The following FMN1 variants were observed in gnomAD, a reference collection of about 807,000 sequenced individuals.
FMN1 encodes formin 1.
A neutral mutation model predicts 132.4 loss-of-function variants in FMN1; 110 were observed. The ratio of observed to expected loss-of-function variants is 0.83; its 90% CI spans 0.71 to 0.97. The LOEUF (loss-of-function observed/expected upper bound fraction) is 0.97. Ranked by LOEUF, FMN1 falls within the 50% of genes least tolerant of loss-of-function variation. The pLI, the probability that FMN1 is intolerant of heterozygous loss-of-function variation, is 0.00. For synonymous variants in FMN1, 722 were observed against 651.7 expected, an observed-to-expected ratio of 1.11 and a Z score of -1.64; for missense variants, 1,792 against 1,705.3, an observed-to-expected ratio of 1.05 and a Z score of -0.90.
intron 19 of FMN1, among the ~76,000 whole-genome samples, chr15:32,798,180 ACACACACACACACACACAC>A (rs1567182776): frequency 6.7e-6 from 1 of 148,962 alleles, no homozygotes; most frequent in Admixed American, 6.7e-5. Flanking sequence ...AGGAAAACGC[ACACACACACACACACACAC>A]ACACACACAC....
intron 10 of FMN1, among the ~76,000 whole-genome samples, chr15:32,917,041 G>C (rs2060701496): frequency 6.6e-6 from 1 of 152,158 alleles, no homozygotes. Context: ...TCTGAGAGTT[G>C]AGGAAAGGGA....
intron 4 of FMN1, among the ~76,000 whole-genome samples, chr15:33,102,215 TGTAA>T (rs1419231664): frequency 1.3e-5 from 2 of 152,160 alleles, no homozygotes; most frequent in Non-Finnish European, 2.9e-5. Flanking sequence ...CCTGTGTCTT[TGTAA>T]GTATTACTGA....
intron 9 of FMN1, among the ~76,000 whole-genome samples, chr15:32,954,442 A>G (rs2140518978): frequency 6.6e-6 from 1 of 152,330 alleles, no homozygotes; most frequent in African/African-American, 2.4e-5. Context: ...TTCATCTGCA[A>G]AGAAGTCATG....
At chr15:32,954,231 T>G (rs188487926) in intron 9 of FMN1, among the ~76,000 whole-genome samples, 2 of 152,180 alleles carry the variant, frequency 1.3e-5, no homozygotes, top group Non-Finnish European at 2.9e-5. Context: ...TACCTTACAT[T>G]TGGGGGATTA....
chr15:33,081,303 C>A (rs147398887), intron 5 of FMN1, among the ~76,000 whole-genome samples: 3,473 of 152,236 alleles, frequency 0.023, 79 homozygotes, highest in South Asian at 0.12. Flanking sequence ...CAATATTTCA[C>A]CATTATTTTT....
rs113268453 is a variant in FMN1 at position 32,779,784 on chromosome 15, C to T, written c.4131-2865G>A. Among the ~76,000 whole-genome samples the T allele has an allele frequency of 6.4e-3, 971 of 152,276 alleles. 8 individuals are homozygous for T. The highest frequency in any genetic ancestry group is 0.022 in the African/African-American group (926 of 41,552). Reference sequence around the variant, plus strand: ...CTGTGAGATAGGAACTTCTACTATTCCCATTTCATAGGTCTTAACCACCAT... The same window carrying T: ...CTGTGAGATAGGAACTTCTACTATTTCCATTTCATAGGTCTTAACCACCAT... On this transcript the variant is annotated intron_variant, in intron 19 of 20. Transcript: ENST00000616417.
intron 17 of FMN1, among the ~76,000 whole-genome samples, chr15:32,835,621 T>C (rs2058604732): frequency 2.0e-5 from 3 of 152,192 alleles, no homozygotes; most frequent in Admixed American, 6.5e-5. Context: ...ATAGATGTTA[T>C]GGGGTGATTC....
At chr15:33,148,983 A>C (rs1964339981) in intron 4 of FMN1, among the ~76,000 whole-genome samples, 1 of 117,806 alleles carries the variant, frequency 8.5e-6, no homozygotes. Context: ...CCCCACACAC[A>C]AGCACTCTAG....
chr15:33,079,691 G>A (rs770710763), intron 5 of FMN1, among the ~76,000 whole-genome samples: 1 of 152,250 alleles, frequency 6.6e-6, no homozygotes, highest in Non-Finnish European at 1.5e-5. Context: ...TGTGAGAACT[G>A]CTTTAAGAAT....
chr15:32,783,193 G>C (rs771712194), intron 19 of FMN1, among the ~76,000 whole-genome samples: 11 of 151,842 alleles, frequency 7.2e-5, no homozygotes, highest in Non-Finnish European at 1.6e-4. Flanking sequence ...CCTTACAAAA[G>C]AATTTGGAAA....
chr15:32,888,030 G>C (rs541421010), intron 16 of FMN1, 142 bp downstream of exon 16: 3 of 596,632 alleles, frequency 5.0e-6, no homozygotes, highest in Middle Eastern at 4.5e-4. Context: ...TGTAGAGAAG[G>C]AAAGTTTCCT....
chr15:33,002,724 T>A (rs139044805), intron 7 of FMN1, among the ~76,000 whole-genome samples: 13 of 152,258 alleles, frequency 8.5e-5, no homozygotes, highest in African/African-American at 3.1e-4. Flanking sequence ...CAGCTAGAAA[T>A]CCAGGTTTTA....
At chr15:32,881,252 T>C (rs994674160) in intron 16 of FMN1, among the ~76,000 whole-genome samples, 7 of 152,208 alleles carry the variant, frequency 4.6e-5, no homozygotes, top group African/African-American at 1.7e-4. Flanking sequence ...TTCTGCATGT[T>C]TGTATAAATA....
In FMN1 at chr15:33,016,458, A is replaced by G. The variant is rs554877209; in HGVS notation, c.2162-8383T>C. 2.0e-5 allele frequency among the ~76,000 whole-genome samples: 3 copies of G among 152,332 alleles called. No homozygotes were observed. In the East Asian group the frequency reaches 5.8e-4, roughly 29 times the overall value. On this transcript the variant is annotated intron_variant, in intron 6 of 20. Transcript: ENST00000616417. Reference sequence around the variant, plus strand: ...TCCTCTGTTTCCCTTCCAGATGCTTATAAACAATGCAGTCCTTAGTAACTG... The same window carrying G: ...TCCTCTGTTTCCCTTCCAGATGCTTGTAAACAATGCAGTCCTTAGTAACTG...
At chr15:32,852,940 T>A (rs1287639006) in intron 17 of FMN1, among the ~76,000 whole-genome samples, 3 of 152,196 alleles carry the variant, frequency 2.0e-5, no homozygotes, top group African/African-American at 7.2e-5. Flanking sequence ...CCACACCAAG[T>A]TGCTTGCCAT....
At chr15:32,841,200 C>T (rs776777036) in intron 17 of FMN1, among the ~76,000 whole-genome samples, 59 of 152,144 alleles carry the variant, frequency 3.9e-4, no homozygotes, top group Non-Finnish European at 7.5e-4. Flanking sequence ...TTCTTAGATG[C>T]CTCTTGGATA....
chr15:32,997,778 T>TA (rs1566806894), intron 7 of FMN1, among the ~76,000 whole-genome samples: 3 of 152,198 alleles, frequency 2.0e-5, no homozygotes. Flanking sequence ...ATCTTTCACT[T>TA]ACACTTCCAA....
At chr15:33,151,336 T>G in intron 4 of FMN1, 1 of 1,536,664 alleles carries the variant, frequency 6.5e-7, no homozygotes, top group Non-Finnish European at 8.7e-7. Context: ...TTACAGTTCT[T>G]ATGACTGGTT....
intron 5 of FMN1, among the ~76,000 whole-genome samples, chr15:33,065,348 T>A (rs1007052451): frequency 3.3e-5 from 5 of 152,170 alleles, no homozygotes; most frequent in Non-Finnish European, 7.3e-5. Flanking sequence ...TATTATATAA[T>A]TATTTGAAAA....
Sources: gnomAD v4.1 joint callset for allele counts (sites outside exome capture counted in the v4.1 genomes callset) on GRCh38, gnomAD v4.1.1 for gene constraint, MANE v1.5 for transcripts, NCBI Gene and HGNC (gene_info 2026-07-23, HGNC 2026-07-21) for gene names.